The following LINGO2 variants were observed in gnomAD, a reference collection of about 807,000 sequenced individuals.
LINGO2 encodes leucine-rich repeat and immunoglobulin-like domain-containing nogo receptor-interacting protein 2.
LINGO2 carries 14 observed loss-of-function variants against 30.6 expected under a neutral mutation model. That is an observed-to-expected ratio of 0.46 (90% CI 0.30 to 0.72). The LOEUF (loss-of-function observed/expected upper bound fraction) is 0.72. Ranked by LOEUF, LINGO2 falls within the 30% of genes least tolerant of loss-of-function variation. The probability of loss-of-function intolerance (pLI) is 0.07; values close to 1 mark genes in which losing one functional copy is unlikely to be tolerated. For missense variants in LINGO2, 729 were observed against 751.7 expected (o/e 0.97, Z 0.35); for synonymous variants, 317 against 288.5 (o/e 1.10, Z -1.00).
At chr9:28,865,870 C>T in the LINGO2 span, among the ~76,000 whole-genome samples, 2 of 152,084 alleles carry the variant, frequency 1.3e-5, no homozygotes, top group African/African-American at 2.4e-5. Context: ...CATTCCAATC[C>T]AAATGTAAAA....
the LINGO2 span, among the ~76,000 whole-genome samples, chr9:28,788,153 A>C: frequency 6.6e-6 from 1 of 152,210 alleles, no homozygotes; most frequent in African/African-American, 2.4e-5. Flanking sequence ...TATTTCCTTA[A>C]GATTGAATTT....
chr9:28,796,648 T>C, the LINGO2 span, among the ~76,000 whole-genome samples: 2 of 151,940 alleles, frequency 1.3e-5, no homozygotes, highest in Non-Finnish European at 2.9e-5. Context: ...GATTTTTATA[T>C]ACAAATTGAT....
chr9:28,963,234 T>C, the LINGO2 span, among the ~76,000 whole-genome samples: 3 of 152,112 alleles, frequency 2.0e-5, no homozygotes, highest in Middle Eastern at 0.01. Flanking sequence ...CTATTTTATA[T>C]ATCACTATAA....
the LINGO2 span, among the ~76,000 whole-genome samples, chr9:29,008,091 G>A: frequency 4.0e-5 from 6 of 151,754 alleles, no homozygotes; most frequent in African/African-American, 1.5e-4. Context: ...CTAACCCCAC[G>A]ACAGGCCCTG....
the LINGO2 span, among the ~76,000 whole-genome samples, chr9:28,855,031 G>A: frequency 2.0e-5 from 3 of 151,994 alleles, no homozygotes; most frequent in Admixed American, 1.3e-4. Context: ...ATGAAGTTGT[G>A]AATGATATAA....
chr9:28,321,658 CAG>C (rs1195234912), intron 3 of LINGO2, among the ~76,000 whole-genome samples: 2 of 152,156 alleles, frequency 1.3e-5, no homozygotes, highest in African/African-American at 4.8e-5. Context: ...GGCCAAGAAA[CAG>C]AGACTATAGG....
chr9:28,082,422 T>C (rs34268154), intron 4 of LINGO2, among the ~76,000 whole-genome samples: 3,698 of 152,262 alleles, frequency 0.024, 86 homozygotes, highest in Non-Finnish European at 0.038. Flanking sequence ...GGTCAAACTT[T>C]TAATGCTATC....
chr9:28,398,622 C>G (rs1822144863), intron 2 of LINGO2, among the ~76,000 whole-genome samples: 1 of 151,864 alleles, frequency 6.6e-6, no homozygotes, highest in South Asian at 2.1e-4. Flanking sequence ...TATAAAATCT[C>G]ACAGCATGCT....
chr9:28,547,123 A>G (rs764323822), intron 1 of LINGO2, among the ~76,000 whole-genome samples: 6 of 152,112 alleles, frequency 3.9e-5, no homozygotes, highest in Non-Finnish European at 7.3e-5. Flanking sequence ...TTCTATATCA[A>G]TATTCCACTG....
chr9:28,937,045 C>T, the LINGO2 span, among the ~76,000 whole-genome samples: 3 of 152,064 alleles, frequency 2.0e-5, no homozygotes, highest in East Asian at 5.8e-4. Flanking sequence ...CTCTATTGAT[C>T]TCATTTAATC....
the LINGO2 span, among the ~76,000 whole-genome samples, chr9:28,812,991 T>C: frequency 1.3e-5 from 2 of 151,054 alleles, no homozygotes; most frequent in African/African-American, 4.9e-5. Context: ...ATTAGACATA[T>C]ACCAATATAA....
intron 2 of LINGO2, among the ~76,000 whole-genome samples, chr9:28,472,957 GA>G (rs1295534836): frequency 6.6e-6 from 1 of 152,038 alleles, no homozygotes; most frequent in Non-Finnish European, 1.5e-5. Flanking sequence ...CATACACAAG[GA>G]TGGAAAACAA....
chr9:28,158,586 C>T (rs939218055), intron 4 of LINGO2, among the ~76,000 whole-genome samples: 2 of 152,124 alleles, frequency 1.3e-5, no homozygotes, highest in African/African-American at 4.8e-5. Flanking sequence ...AAAACTCAAT[C>T]AGGGTTCAGT....
intron 4 of LINGO2, among the ~76,000 whole-genome samples, chr9:28,075,174 T>C (rs1384639057): frequency 2.6e-5 from 4 of 151,926 alleles, no homozygotes; most frequent in African/African-American, 9.7e-5. Context: ...GAAATAGTGT[T>C]TAGTTTTACA....
At chr9:28,458,033 A>T (rs1285353254) in intron 2 of LINGO2, among the ~76,000 whole-genome samples, 1 of 152,172 alleles carries the variant, frequency 6.6e-6, no homozygotes, top group Admixed American at 6.5e-5. Flanking sequence ...ATTTCTTTCA[A>T]TGCTGTTCTG....
At chr9:28,909,901 C>A in the LINGO2 span, among the ~76,000 whole-genome samples, 1 of 151,736 alleles carries the variant, frequency 6.6e-6, no homozygotes, top group Non-Finnish European at 1.5e-5. Context: ...CAAATTATTC[C>A]CTGAAAGCAG....
chr9:28,626,965 A>G (rs987754695), intron 1 of LINGO2, among the ~76,000 whole-genome samples: 1 of 151,562 alleles, frequency 6.6e-6, no homozygotes, highest in Admixed American at 6.6e-5. Context: ...AATCTTTTTT[A>G]TTAGCTGATG....
At chr9:28,595,680 T>C (rs1825139564) in intron 1 of LINGO2, among the ~76,000 whole-genome samples, 1 of 152,098 alleles carries the variant, frequency 6.6e-6, no homozygotes, top group African/African-American at 2.4e-5. Context: ...TAGAAAACGA[T>C]ATAATATATG....
chr9:27,952,333 A>G (rs1482784901), intron 5 of LINGO2, among the ~76,000 whole-genome samples: 1 of 151,978 alleles, frequency 6.6e-6, no homozygotes, highest in African/African-American at 2.4e-5. Context: ...TCAAGAATCA[A>G]AATAACTAAA....
Sources: gnomAD v4.1 joint callset for allele counts (sites outside exome capture counted in the v4.1 genomes callset) on GRCh38, gnomAD v4.1.1 for gene constraint, MANE v1.5 for transcripts, NCBI Gene and HGNC (gene_info 2026-07-23, HGNC 2026-07-21) for gene names.